LITAF: variants seen among roughly 807,000 people sequenced by gnomAD.
The protein encoded by LITAF is lipopolysaccharide induced TNF factor, also known as lipopolysaccharide-induced tumor necrosis factor-alpha factor.
In LITAF, 9 loss-of-function variants were observed where a neutral mutation model predicts 14.5. The ratio of observed to expected loss-of-function variants is 0.62; its 90% CI spans 0.37 to 1.08. The LOEUF (loss-of-function observed/expected upper bound fraction) is 1.08. LITAF is among the 50% of genes least tolerant of loss of function. LITAF has a pLI of 0.01. For missense variants in LITAF, 206 were observed against 213.4 expected, an observed-to-expected ratio of 0.97 and a Z score of 0.22; for synonymous variants, 98 against 88.2, an observed-to-expected ratio of 1.11 and a Z score of -0.62.
At chr16:11,623,603 T>C (rs1230341529) in intron 3 of LITAF, among the ~76,000 whole-genome samples, 2 of 151,334 alleles carry the variant, frequency 1.3e-5, no homozygotes, top group Non-Finnish European at 2.9e-5. Flanking sequence ...GAGGTTGTGG[T>C]GAGCTGAGAT....
intron 3 of LITAF, among the ~76,000 whole-genome samples, chr16:11,626,891 G>A (rs1250381239): frequency 6.6e-6 from 1 of 151,466 alleles, no homozygotes; most frequent in Non-Finnish European, 1.5e-5. Context: ...CGCTCAGGAT[G>A]GAGTGCAGTG....
At chr16:11,582,596 G>C (rs1567252386) in intron 1 of LITAF, among the ~76,000 whole-genome samples, 2 of 152,230 alleles carry the variant, frequency 1.3e-5, no homozygotes, top group South Asian at 2.1e-4. Context: ...CACTAAGCTA[G>C]GCCCATGAAT....
At chr16:11,556,780 TCTCCC>T (rs2064277923) in intron 1 of LITAF, 45 bp from the exon 2 acceptor site, 2 of 1,488,852 alleles carry the variant, frequency 1.3e-6, no homozygotes, top group African/African-American at 2.8e-5. Context: ...TCAGTTGATC[TCTCCC>T]TCTCTTTTTC....
chr16:11,576,554 A>AAAGAC lies in LITAF; in HGVS notation c.-6+10331_-6+10332insGTCTT, dbSNP rs1555469756. ...ATCTGCAAAAAAAAAAAAAAAAAAAAAGAGAGAGAGAAAGAGAAAAAGAGA... is the reference window on the plus strand; with the variant it reads ...ATCTGCAAAAAAAAAAAAAAAAAAAAAAGACAGAGAGAGAGAAAGAGAAAAAGAGA... On this transcript the variant is annotated intron_variant, in intron 1 of 3. Transcript: ENST00000622633. 3.3e-3 allele frequency among the ~76,000 whole-genome samples: 387 copies of AAAGAC among 116,640 alleles called. 13 individuals carry two copies. Among genetic ancestry groups the AAAGAC allele is most frequent in the African/African-American group, 9.4e-3 (282 of 29,938 alleles). The allele number at this position is 116,640 out of a possible 152,430, so 76.5% of individuals were successfully genotyped here. A position where few individuals can be genotyped will look rare whatever the true frequency, so the allele number is the denominator to read the frequency against.
intron 3 of LITAF, among the ~76,000 whole-genome samples, chr16:11,614,812 G>T (rs1449608131): frequency 6.6e-6 from 1 of 152,208 alleles, no homozygotes; most frequent in African/African-American, 2.4e-5. Context: ...CCTCTGATAT[G>T]CCTACTAGAA....
intron 1 of LITAF, among the ~76,000 whole-genome samples, chr16:11,569,713 G>C (rs1028085157): frequency 1.3e-5 from 2 of 152,146 alleles, no homozygotes; most frequent in Non-Finnish European, 2.9e-5. Flanking sequence ...GGCATGAAGA[G>C]GGAAATAAAA....
intron 2 of LITAF, among the ~76,000 whole-genome samples, chr16:11,635,493 T>C (rs2065134658): frequency 6.6e-6 from 1 of 152,150 alleles, no homozygotes; most frequent in Admixed American, 6.6e-5. Context: ...TTCCACGTCC[T>C]TCAACAGGCT....
intron 3 of LITAF, among the ~76,000 whole-genome samples, chr16:11,631,020 T>C (rs2065115293): frequency 6.6e-6 from 1 of 152,210 alleles, no homozygotes; most frequent in African/African-American, 2.4e-5. Context: ...TTTGATATTA[T>C]TTTCCCTGTT....
Position 11,609,849 on chromosome 16 carries a change from G to T in LITAF, c.85+23684C>A, listed in dbSNP as rs369919805. Reference sequence around the variant, plus strand: ...AATTCCTTGAAATCCAAACGGAAAAGACCAGGCTTTCCTGGCCAGTGATGG... The same window carrying T: ...AATTCCTTGAAATCCAAACGGAAAATACCAGGCTTTCCTGGCCAGTGATGG... On this transcript the variant is annotated intron_variant, in intron 3 of 3. Coordinates refer to the LITAF transcript ENST00000574848. 8.3e-4 allele frequency among the ~76,000 whole-genome samples: 127 copies of T among 152,342 alleles called. 1 individual carries two copies. The highest frequency in any genetic ancestry group is 2.9e-3 in the African/African-American group (122 of 41,586).
At chr16:11,616,469 C>T (rs1438603125) in intron 3 of LITAF, among the ~76,000 whole-genome samples, 1 of 149,986 alleles carries the variant, frequency 6.7e-6, no homozygotes, top group East Asian at 2.0e-4. Context: ...CAGGGTGAGA[C>T]CCTGTCTCAA....
At position 11,563,047 on chromosome 16, in the gene LITAF, C is replaced by T. The variant is rs1011622805; in HGVS notation, c.-5-6312G>A. Among the ~76,000 whole-genome samples, 8 of 150,720 alleles carry T rather than the reference C, an allele frequency of 5.3e-5. 1 individual carries two copies. In the South Asian group the frequency reaches 6.3e-4, roughly 12 times the overall value. ...GGAAGCTGAGGTCGGAGGATTTGCT[C>T]GAGCCTGGGAGCTTGAGGTTACAGT... On this transcript the variant is annotated intron_variant, in intron 1 of 3. Transcript: ENST00000622633.
Position 11,549,534 on chromosome 16 carries a change from A to G in LITAF, c.*103T>C. 1.2e-6 allele frequency: 1 copy of G among 822,728 alleles called. No individual in the cohort carries two copies. Among genetic ancestry groups the G allele is most frequent in the South Asian group, 1.4e-5 (1 of 69,160 alleles). 51.0% of individuals were successfully genotyped at this position (822,728 alleles called of 1,614,324 possible). ...GAAGACATGAAGGTGGGCCCCCTGG[A>G]GAGGTGAGACCACCAGGGCAGAACC... On this transcript the variant is annotated 3_prime_UTR_variant, in exon 4 of 4. Coordinates refer to ENST00000622633, the MANE Select transcript of LITAF (RefSeq NM_001136472.2). The surrounding 1 kb of genome is among the most constrained non-coding windows in gnomAD (Gnocchi z 4.6).
chr16:11,552,238 T>C (rs1301217664), intron 3 of LITAF, among the ~76,000 whole-genome samples: 1 of 152,192 alleles, frequency 6.6e-6, no homozygotes, highest in Non-Finnish European at 1.5e-5. Flanking sequence ...GTTTTCTGAG[T>C]GGCTCACGTG....
At chr16:11,594,383 A>G (rs1369957439) in intron 1 of LITAF, among the ~76,000 whole-genome samples, 1 of 152,118 alleles carries the variant, frequency 6.6e-6, no homozygotes, top group Non-Finnish European at 1.5e-5. Context: ...TTTATAGGAC[A>G]TCTGCCAATA....
At chr16:11,614,682 C>G (rs2065006172) in intron 3 of LITAF, among the ~76,000 whole-genome samples, 1 of 152,184 alleles carries the variant, frequency 6.6e-6, no homozygotes, top group Admixed American at 6.6e-5. Flanking sequence ...TCACTGCAAC[C>G]TCCACCTCCA....
chr16:11,603,147 T>C (rs1434149947), upstream of LITAF, among the ~76,000 whole-genome samples: 1 of 151,936 alleles, frequency 6.6e-6, no homozygotes, highest in African/African-American at 2.4e-5. Flanking sequence ...ACACAAACAG[T>C]AAAGGGTGCC....
In LITAF at chr16:11,586,835, C is replaced by A; in HGVS notation, c.-6+51G>T. 1 of 152,156 alleles carries A rather than the reference C, an allele frequency of 6.6e-6. No individual in the cohort carries two copies. The highest frequency in any genetic ancestry group is 1.8e-4 in the South Asian group (1 of 5,470). 9.4% of individuals were successfully genotyped at this position (152,156 alleles called of 1,614,324 possible). ...AGCAGGTGCTGGCGCCACCGGCCCC[C>A]CGCTGTCTCCCGCTGGTCCCCGCGC... is the stretch of plus-strand genomic sequence containing the variant. On this transcript the variant is annotated intron_variant, in intron 1 of 3. Coordinates refer to ENST00000622633, the MANE Select transcript of LITAF (RefSeq NM_001136472.2). This position sits in a 1 kb window ranked among gnomAD's most constrained non-coding sequence, Gnocchi z 6.5.
At chr16:11,613,619 A>T (rs2064997189) in intron 3 of LITAF, among the ~76,000 whole-genome samples, 1 of 152,192 alleles carries the variant, frequency 6.6e-6, no homozygotes, top group Non-Finnish European at 1.5e-5. Context: ...GCAGTCAGGG[A>T]AGGCTTCCAG....
rs1006804022 is a variant in LITAF at position 11,558,251 on chromosome 16, G to A, written c.-5-1516C>T. Among the ~76,000 whole-genome samples the A allele has an allele frequency of 5.9e-5, 9 of 152,164 alleles. No homozygotes were observed. Among genetic ancestry groups the A allele is most frequent in the African/African-American group, 1.9e-4 (8 of 41,444 alleles). ...CCCCAAAGAGGAGACTTCTCTGGAGGAACCGAAGAAAGGGTATTCACCTCA... is the reference window on the plus strand; with the variant it reads ...CCCCAAAGAGGAGACTTCTCTGGAGAAACCGAAGAAAGGGTATTCACCTCA... On this transcript the variant is annotated intron_variant, in intron 1 of 3. Coordinates refer to ENST00000622633, the MANE Select transcript of LITAF (RefSeq NM_001136472.2). The surrounding 1 kb of genome is among the most constrained non-coding windows in gnomAD (Gnocchi z 4.1).
Sources: gnomAD v4.1 joint callset for allele counts (sites outside exome capture counted in the v4.1 genomes callset) on GRCh38, gnomAD v4.1.1 for gene constraint, Gnocchi (gnomAD v3.1) non-coding constraint, MANE v1.5 for transcripts, NCBI Gene and HGNC (gene_info 2026-07-23, HGNC 2026-07-21) for gene names.